The following EXOC3L2 variants were observed in gnomAD, a reference collection of about 807,000 sequenced individuals.
The protein encoded by EXOC3L2 is exocyst complex component 3 like 2.
EXOC3L2 carries 17 observed loss-of-function variants against 44.4 expected under a neutral mutation model. The ratio of observed to expected loss-of-function variants is 0.38; its 90% CI spans 0.26 to 0.57. The LOEUF is 0.57. Among genes scored for constraint, EXOC3L2 ranks in the 20% least tolerant of loss-of-function variants. The pLI, the probability that EXOC3L2 is intolerant of heterozygous loss-of-function variation, is 0.65. For missense variants in EXOC3L2, 541 were observed against 588.4 expected (o/e 0.92, Z 0.83); for synonymous variants, 256 against 253.7 (o/e 1.01, Z -0.09).
rs905198260 is a variant in EXOC3L2 at position 45,212,476 on chromosome 19, T to G, written c.*593A>C. On this transcript the variant is annotated 3_prime_UTR_variant, in exon 12 of 12. Coordinates refer to ENST00000413988, the MANE Select transcript of EXOC3L2 (RefSeq NM_001382422.1). ...GAAAGGGGCGGGGGAGCTGGGATAT[T>G]TCTGTAGAGACTTCCAGAACGACAC... is the stretch of plus-strand genomic sequence containing the variant. 6.5e-6 allele frequency: 1 copy of G among 153,576 alleles called. No individual in the cohort carries two copies. The highest frequency in any genetic ancestry group is 2.4e-5 in the African/African-American group (1 of 41,528). 9.5% of individuals were successfully genotyped at this position (153,576 alleles called of 1,614,324 possible).
rs565390674 is a variant in EXOC3L2 at position 45,215,989 on chromosome 19, G to A, written c.2120+84C>T. The A allele has an allele frequency of 7.0e-5, 109 of 1,561,910 alleles. No individual in the cohort carries two copies. The African/African-American group carries it at 1.3e-3, about 18-fold the overall frequency. ...GCTCACCGGCTCCCTCCCTCAGGAG[G>A]CAGGAAGCACAGGGACGGATGCCAA... On this transcript the variant is annotated intron_variant, in intron 11 of 11. Transcript: ENST00000413988.
chr19:45,217,501 C>G (rs889195876), intron 10 of EXOC3L2, 27 bp downstream of exon 10: 1 of 1,551,054 alleles, frequency 6.4e-7, no homozygotes, highest in Admixed American at 1.9e-5. Context: ...GTTTCTGAAA[C>G]ACCCCCAACC....
Position 45,234,511 on chromosome 19 carries a change from C to G in EXOC3L2, c.839G>C (p.Gly280Ala). The change falls in exon 3 of 12, where the codon GGG becomes GCG. Residue 280 changes from glycine (G) to alanine (A), a missense_variant. Physicochemically the swap from Gly to Ala is moderately conservative, Grantham distance 60. Coordinates refer to ENST00000413988, the MANE Select transcript of EXOC3L2 (RefSeq NM_001382422.1). The surrounding 1 kb of genome is among the most constrained non-coding windows in gnomAD (Gnocchi z 5.0). Reference protein sequence around the residue: ...EEAADGRRGPGAARKLRARWA... With the variant: ...EEAADGRRGPAAARKLRARWA... ...GCGTGCGCGTAGTTTGCGGGCCGCC[C>G]CGGGACCCCGACGCCCGTCGGCCGC... The G allele has an allele frequency of 4.0e-6, 1 of 247,170 alleles. No homozygotes were observed. Among genetic ancestry groups the G allele is most frequent in the Non-Finnish European group, 7.8e-6 (1 of 128,726 alleles). The allele number at this position is 247,170 out of a possible 1,614,324, so 15.3% of individuals were successfully genotyped here.
chr19:45,229,240 T>A (rs1464261333), intron 4 of EXOC3L2, among the ~76,000 whole-genome samples: 3 of 123,532 alleles, frequency 2.4e-5, no homozygotes, highest in Admixed American at 7.7e-5. Context: ...TATTTATGTA[T>A]TAAATATATA....
chr19:45,231,319 C>T (rs946240008), intron 4 of EXOC3L2, among the ~76,000 whole-genome samples: 2 of 151,876 alleles, frequency 1.3e-5, no homozygotes, highest in African/African-American at 4.8e-5. Flanking sequence ...ACCAGCCCTG[C>T]TTATATGTGA....
At chr19:45,237,281 C>T (rs1970092072) in intron 2 of EXOC3L2, among the ~76,000 whole-genome samples, 1 of 152,064 alleles carries the variant, frequency 6.6e-6, no homozygotes. Context: ...AGGAGGATTA[C>T]TTGAAGCCAG....
At chr19:45,225,054 G>A (rs886303943) in intron 7 of EXOC3L2, 141 bp from the exon 8 acceptor site, 119 of 1,123,616 alleles carry the variant, frequency 1.1e-4, no homozygotes, top group Non-Finnish European at 1.3e-4. Flanking sequence ...GGACTCTGGA[G>A]AGGGGTCAGG....
At chr19:45,217,905 G>T (rs1473683381) in intron 9 of EXOC3L2, among the ~76,000 whole-genome samples, 1 of 151,912 alleles carries the variant, frequency 6.6e-6, no homozygotes, top group Non-Finnish European at 1.5e-5. Flanking sequence ...GGTCCCCAAA[G>T]GGTGCTCCAT....
chr19:45,231,244 C>T (rs553995865), intron 4 of EXOC3L2, among the ~76,000 whole-genome samples: 1 of 152,230 alleles, frequency 6.6e-6, no homozygotes, highest in African/African-American at 2.4e-5. Flanking sequence ...CCGGGGACGG[C>T]GTGCATGGCT....
In EXOC3L2 at chr19:45,217,626, G is replaced by T. The variant is rs1476428917; in HGVS notation, c.1900C>A (p.Arg634Ser). 1.0e-5 allele frequency: 15 copies of T among 1,490,634 alleles called. No individual in the cohort carries two copies. Among genetic ancestry groups the T allele is most frequent in the Non-Finnish European group, 1.1e-5 (12 of 1,128,962 alleles). 92.3% of individuals were successfully genotyped at this position (1,490,634 alleles called of 1,614,324 possible). ...GCCGAGCTGCAGCGCAGGCGCCCAC[G>T]GAGCAGGGGCCGCACGTACTCGACC... ...ALVEYVRPLL[R>S]GRLRCSSART... The change falls in exon 10 of 12, where the codon CGT becomes AGT. Residue 634 changes from arginine to serine, a missense_variant. Physicochemically the swap from Arg to Ser is moderately radical, Grantham distance 110 (BLOSUM62 -1). Coordinates refer to ENST00000413988, the MANE Select transcript of EXOC3L2 (RefSeq NM_001382422.1).
chr19:45,218,158 T>TGGGG, intron 9 of EXOC3L2, 39 bp downstream of exon 9: 1 of 1,034,906 alleles, frequency 9.7e-7, no homozygotes, highest in Non-Finnish European at 1.3e-6. Flanking sequence ...TCCCCTCTTT[T>TGGGG]CCCCCACCCC....
chr19:45,224,722 G>A (rs950788026), intron 8 of EXOC3L2, 56 bp downstream of exon 8: 10 of 1,522,638 alleles, frequency 6.6e-6, no homozygotes, highest in Non-Finnish European at 8.8e-6. Context: ...GATGGTGGGG[G>A]GCAGCGCTTC....
At chr19:45,241,416 T>G (rs1326811409) in intron 1 of EXOC3L2, among the ~76,000 whole-genome samples, 1 of 146,984 alleles carries the variant, frequency 6.8e-6, no homozygotes, top group African/African-American at 2.6e-5. Flanking sequence ...AGGCGGAGAT[T>G]GCAGTGAGCT....
At chr19:45,232,886 T>A (rs1970045785) in intron 3 of EXOC3L2, among the ~76,000 whole-genome samples, 1 of 152,218 alleles carries the variant, frequency 6.6e-6, no homozygotes, top group Admixed American at 6.6e-5. Context: ...GACACCAGCC[T>A]GGCCAACATG....
intron 2 of EXOC3L2, among the ~76,000 whole-genome samples, chr19:45,236,059 T>C (rs986265193): frequency 7.5e-6 from 1 of 132,578 alleles, no homozygotes; most frequent in Non-Finnish European, 1.6e-5. Context: ...TGAGGTCAGG[T>C]GGGAGTCTGG....
At chr19:45,235,658 A>G (rs1599767936) in intron 2 of EXOC3L2, among the ~76,000 whole-genome samples, 2 of 151,610 alleles carry the variant, frequency 1.3e-5, no homozygotes, top group African/African-American at 2.4e-5. Flanking sequence ...TACCCTCGAC[A>G]CCTCCACCCC....
intron 8 of EXOC3L2, among the ~76,000 whole-genome samples, chr19:45,219,025 G>T (rs903706588): frequency 6.6e-6 from 1 of 151,918 alleles, no homozygotes; most frequent in African/African-American, 2.4e-5. Context: ...GATCACCTAA[G>T]GTCAGGAGTT....
intron 7 of EXOC3L2, among the ~76,000 whole-genome samples, chr19:45,225,753 G>C (rs894859642): frequency 1.3e-5 from 2 of 151,456 alleles, no homozygotes; most frequent in Non-Finnish European, 2.9e-5. Flanking sequence ...CTCCCAAGTA[G>C]CTGAGACTAC....
chr19:45,221,425 C>T (rs1969896797), intron 8 of EXOC3L2, among the ~76,000 whole-genome samples: 1 of 151,952 alleles, frequency 6.6e-6, no homozygotes, highest in South Asian at 2.1e-4. Context: ...GATCTTGGCT[C>T]ACTGCAACTT....
Sources: allele counts gnomAD v4.1 joint callset (sites outside exome capture counted in the v4.1 genomes callset), GRCh38; gene constraint gnomAD v4.1.1; non-coding constraint Gnocchi (gnomAD v3.1); transcripts MANE v1.5; gene names NCBI Gene and HGNC (gene_info 2026-07-23, HGNC 2026-07-21).